Variants in PPRC1 observed in about 807,000 individuals in gnomAD.
PPRC1 encodes the protein PPARG related coactivator 1.
In PPRC1, 23 loss-of-function variants were observed where a neutral mutation model predicts 132.5. The ratio of observed to expected loss-of-function variants is 0.17; its 90% CI spans 0.12 to 0.25. PPRC1 has a LOEUF of 0.25. Ranked by LOEUF, PPRC1 falls within the 10% of genes least tolerant of loss-of-function variation. The pLI is 1.00. For synonymous variants in PPRC1, 872 were observed against 833.5 expected (o/e 1.05, Z -0.80); for missense variants, 2,006 against 2,089.1 (o/e 0.96, Z 0.78).
At chr10:102,137,473 G>A (rs1170085669) in intron 1 of PPRC1, among the ~76,000 whole-genome samples, 1 of 152,178 alleles carries the variant, frequency 6.6e-6, no homozygotes, top group Non-Finnish European at 1.5e-5. Context: ...GGTTGTTGGA[G>A]CTGAAGCTGT....
In PPRC1 at chr10:102,141,465, C is replaced by T. The variant is rs2068974954; in HGVS notation, c.2957C>T (p.Pro986Leu). 5 of 1,613,818 alleles carry T rather than the reference C, an allele frequency of 3.1e-6. No individual in the cohort carries two copies. Among genetic ancestry groups the T allele is most frequent in the South Asian group, 1.1e-5 (1 of 91,084 alleles). ...TCTYGPLGWG[P>L]GPQHAPFWST... ...ACCTATGGGCCCTTGGGATGGGGCCCAGGGCCTCAACATGCTCCATTCTGG... is the reference window on the plus strand; with the variant it reads ...ACCTATGGGCCCTTGGGATGGGGCCTAGGGCCTCAACATGCTCCATTCTGG... Residue 986 changes from proline to leucine, a missense_variant, in exon 5 of 14, where the codon CCA becomes CTA. Physicochemically the swap from Pro to Leu is moderately conservative, Grantham distance 98. Around this residue, in one of 2 missense-constraint regions of PPRC1, gnomAD observed 1,914 missense variants for 1,917.2 expected, o/e 1.00. Transcript: ENST00000278070.
chr10:102,122,563 T>C, the PPRC1 span, among the ~76,000 whole-genome samples: 1 of 151,732 alleles, frequency 6.6e-6, no homozygotes, highest in Non-Finnish European at 1.5e-5. Context: ...AATACCTACC[T>C]TGACCTCCTT....
At position 102,147,378 on chromosome 10, in the gene PPRC1, C is replaced by T. The variant is rs1564957581; in HGVS notation, c.4386C>T (p.His1462=). 2 of 1,603,576 alleles carry T rather than the reference C, an allele frequency of 1.2e-6. No individual in the cohort carries two copies. The highest frequency in any genetic ancestry group is 8.5e-7 in the Non-Finnish European group (1 of 1,176,936). The part of the protein sequence containing the change: ...RSRSRSLSPP[H]KRWRRSSCSS... ...GGTCCAGGTCCCTCTCCCCCCCACA[C>T]AAGAGGTGGCGAAGGTGAGCTTTGA... Residue 1462 remains histidine (H), a synonymous_variant, in exon 9 of 14, where the codon CAC becomes CAT. Transcript: ENST00000278070.
At chr10:102,121,128 T>G in the PPRC1 span, among the ~76,000 whole-genome samples, 7 of 152,062 alleles carry the variant, frequency 4.6e-5, no homozygotes, top group African/African-American at 1.7e-4. Context: ...GGGCTTGGGA[T>G]CTGTGTTTTG....
At position 102,146,908 on chromosome 10, in the gene PPRC1, C is replaced by G. The variant is rs778611512; in HGVS notation, c.3916C>G (p.Pro1306Ala). 36 of 1,613,890 alleles carry G rather than the reference C, an allele frequency of 2.2e-5. No homozygotes were observed. Among genetic ancestry groups the G allele is most frequent in the East Asian group, 1.1e-4 (5 of 44,872 alleles). Residue 1306 changes from proline to alanine, a missense_variant, in exon 9 of 14, where the codon CCA becomes GCA. Pro to Ala is a conservative substitution (Grantham distance 27, BLOSUM62 -1). Coordinates refer to ENST00000278070, the MANE Select transcript of PPRC1 (RefSeq NM_015062.5). Reference sequence around the variant, plus strand: ...CTATTGTGTCCGGAGCAGGACCCCCCCAAAAAAGATGCCTGCCCTAGTCAT... The same window carrying G: ...CTATTGTGTCCGGAGCAGGACCCCCGCAAAAAAGATGCCTGCCCTAGTCAT... The part of the protein sequence containing the change: ...HDYCVRSRTP[P>A]KKMPALVIPE...
chr10:102,132,867 T>G (rs1428187287), upstream of PPRC1: 3 of 670,708 alleles, frequency 4.5e-6, no homozygotes, highest in African/African-American at 3.7e-5. Context: ...TGCCAAACGG[T>G]CCCCACTTAA....
At chr10:102,120,408 T>C in the PPRC1 span, 98 of 982,448 alleles carry the variant, frequency 1.0e-4, no homozygotes, top group Admixed American at 1.2e-4. Flanking sequence ...TGTGCGTGTC[T>C]GTGCGCTCCC....
the PPRC1 span, chr10:102,120,057 G>A: frequency 2.1e-6 from 3 of 1,428,350 alleles, no homozygotes; most frequent in African/African-American, 3.0e-5. Flanking sequence ...TGGGCAGGAA[G>A]GGGCCGAGTG....
intron 5 of PPRC1, among the ~76,000 whole-genome samples, chr10:102,142,402 T>C (rs1590342974): frequency 8.2e-5 from 1 of 12,136 alleles, no homozygotes; most frequent in Admixed American, 8.9e-4. Context: ...CACCATGCCT[T>C]TTTTTTTTTT....
At chr10:102,143,382 T>C (rs994181481) in intron 6 of PPRC1, among the ~76,000 whole-genome samples, 3 of 151,988 alleles carry the variant, frequency 2.0e-5, no homozygotes, top group Non-Finnish European at 4.4e-5. Context: ...GGGTGGATCA[T>C]GAGGTCAGGA....
At chr10:102,149,547 A>G (rs1331325665) in intron 13 of PPRC1, among the ~76,000 whole-genome samples, 1 of 152,182 alleles carries the variant, frequency 6.6e-6, no homozygotes, top group Non-Finnish European at 1.5e-5. Context: ...CCTGGCCAAC[A>G]TGATGAAACC....
Position 102,141,158 on chromosome 10 carries a change from G to C in PPRC1, c.2650G>C (p.Gly884Arg). 1 of 1,613,996 alleles carries C rather than the reference G, an allele frequency of 6.2e-7. No homozygotes were observed. The highest frequency in any genetic ancestry group is 8.5e-7 in the Non-Finnish European group (1 of 1,179,946). ...SMSAALPFPA[G>R]GLGMPPSLPP... Reference sequence around the variant, plus strand: ...GTCTGCTGCCCTGCCTTTCCCTGCAGGTGGGCTTGGCATGCCCCCCAGTCT... The same window carrying C: ...GTCTGCTGCCCTGCCTTTCCCTGCACGTGGGCTTGGCATGCCCCCCAGTCT... Residue 884 changes from glycine to arginine, a missense_variant, in exon 5 of 14, where the codon GGT becomes CGT. Coordinates refer to ENST00000278070, the MANE Select transcript of PPRC1 (RefSeq NM_015062.5).
chr10:102,146,653 T>C lies in PPRC1; in HGVS notation c.3680-19T>C. On this transcript the variant is annotated intron_variant, in intron 8 of 13. Coordinates refer to ENST00000278070, the MANE Select transcript of PPRC1 (RefSeq NM_015062.5). ...ATCGGATCTCATCCTGCTATCTCCA[T>C]CCTCCCTCCCCACCACAGGGCTCAC... The C allele has an allele frequency of 1.3e-6, 2 of 1,588,054 alleles. No individual in the cohort carries two copies. The highest frequency in any genetic ancestry group is 1.7e-6 in the Non-Finnish European group (2 of 1,167,104).
intron 1 of PPRC1, among the ~76,000 whole-genome samples, chr10:102,133,899 C>G (rs1252940541): frequency 1.3e-5 from 2 of 151,030 alleles, no homozygotes; most frequent in East Asian, 3.9e-4. Flanking sequence ...TTTTTCCCTG[C>G]TGCTTGGGTC....
At chr10:102,133,269 C>T in intron 1 of PPRC1, 48 bp downstream of exon 1, 2 of 1,240,688 alleles carry the variant, frequency 1.6e-6, no homozygotes, top group Non-Finnish European at 2.0e-6. Context: ...GCGGTGTGTG[C>T]CGGGCGGTGA....
At chr10:102,138,480 T>C in intron 2 of PPRC1, 139 bp from the exon 3 acceptor site, 2 of 1,041,042 alleles carry the variant, frequency 1.9e-6, no homozygotes, top group African/African-American at 1.6e-5. Flanking sequence ...AATCCATGCC[T>C]TCTGGTATTC....
At chr10:102,120,769 C>G in the PPRC1 span, among the ~76,000 whole-genome samples, 1 of 152,064 alleles carries the variant, frequency 6.6e-6, no homozygotes, top group Non-Finnish European at 1.5e-5. Flanking sequence ...CGGGTGCCGC[C>G]GGATGGGGAG....
chr10:102,123,856 T>G, the PPRC1 span, among the ~76,000 whole-genome samples: 1 of 144,442 alleles, frequency 6.9e-6, no homozygotes, highest in Non-Finnish European at 1.5e-5. Flanking sequence ...TTTTTTTTTT[T>G]TGAGATGGAG....
the PPRC1 span, among the ~76,000 whole-genome samples, chr10:102,121,490 A>C: frequency 6.6e-6 from 1 of 152,056 alleles, no homozygotes; most frequent in Admixed American, 6.5e-5. Flanking sequence ...GAGCCTCCCA[A>C]CCTTCAGTCA....
Sources: gnomAD v4.1 joint callset for allele counts (sites outside exome capture counted in the v4.1 genomes callset) on GRCh38, gnomAD v4.1.1 for gene constraint, gnomAD v4.1.1 regional missense constraint, MANE v1.5 for transcripts, NCBI Gene and HGNC (gene_info 2026-07-23, HGNC 2026-07-21) for gene names.